The following PTPRD variants were observed in gnomAD, a reference collection of about 807,000 sequenced individuals.
PTPRD encodes protein tyrosine phosphatase receptor type D.
A neutral mutation model predicts 214.5 loss-of-function variants in PTPRD; 34 were observed. The observed-to-expected ratio is 0.16, with a 90% CI of 0.12 to 0.21. The LOEUF is 0.21. Among genes scored for constraint, PTPRD ranks in the 10% least tolerant of loss-of-function variants. The pLI is 1.00. For missense variants in PTPRD, 2,545 were observed against 2,398.7 expected (o/e 1.06, Z -1.27); for synonymous variants, 1,128 against 845.7 (o/e 1.33, Z -5.79).
chr9:8,340,169 A>G (rs886623558), intron 42 of PTPRD, among the ~76,000 whole-genome samples, 174 bp downstream of exon 42: 1 of 152,144 alleles, frequency 6.6e-6, no homozygotes, highest in Non-Finnish European at 1.5e-5. Flanking sequence ...AAATTTAAAC[A>G]CTTGATGTGG....
At chr9:9,084,414 G>C (rs2099763940) in intron 10 of PTPRD, among the ~76,000 whole-genome samples, 1 of 152,138 alleles carries the variant, frequency 6.6e-6, no homozygotes, top group South Asian at 2.1e-4. Context: ...GGGGTTGGGG[G>C]TCTAGGGAGG....
At chr9:10,153,772 A>C (rs750650348) in intron 3 of PTPRD, among the ~76,000 whole-genome samples, 1 of 152,094 alleles carries the variant, frequency 6.6e-6, no homozygotes, top group Non-Finnish European at 1.5e-5. Flanking sequence ...TATAAATTAG[A>C]ACATGTGGTA....
At chr9:9,460,600 G>A (rs932033250) in intron 8 of PTPRD, among the ~76,000 whole-genome samples, 4 of 151,838 alleles carry the variant, frequency 2.6e-5, no homozygotes, top group East Asian at 1.9e-4. Flanking sequence ...TCATCGAAGC[G>A]ATGCAAATTA....
intron 8 of PTPRD, among the ~76,000 whole-genome samples, chr9:9,447,680 T>G (rs1459142398): frequency 6.6e-6 from 1 of 152,130 alleles, no homozygotes; most frequent in East Asian, 1.9e-4. Flanking sequence ...GAAAAAAAAT[T>G]TAGTTCTCAA....
intron 5 of PTPRD, among the ~76,000 whole-genome samples, chr9:9,822,760 TG>T (rs1488640023): frequency 6.6e-6 from 1 of 151,996 alleles, no homozygotes; most frequent in East Asian, 1.9e-4. Context: ...CTCCAAAATA[TG>T]CAATTTTTTG....
intron 7 of PTPRD, among the ~76,000 whole-genome samples, chr9:9,645,121 C>T (rs962478756): frequency 1.3e-5 from 2 of 152,204 alleles, no homozygotes; most frequent in African/African-American, 4.8e-5. Context: ...AGCCCAAAAG[C>T]GCTCTCCCTG....
At chr9:9,011,958 T>C (rs1431489023) in intron 11 of PTPRD, among the ~76,000 whole-genome samples, 3 of 152,286 alleles carry the variant, frequency 2.0e-5, no homozygotes, top group Non-Finnish European at 2.9e-5. Flanking sequence ...GTAAAGATGA[T>C]AGGATTTTAC....
At chr9:8,465,731 T>C in intron 31 of PTPRD, 56 bp from the exon 32 acceptor site, 4 of 1,460,282 alleles carry the variant, frequency 2.7e-6, no homozygotes, top group Non-Finnish European at 3.7e-6. Flanking sequence ...CCCAGCTTAT[T>C]GATAATTTAA....
chr9:9,405,403 T>G (rs574470006), intron 8 of PTPRD, among the ~76,000 whole-genome samples: 10 of 152,084 alleles, frequency 6.6e-5, no homozygotes, highest in South Asian at 4.1e-4. Context: ...TCCATCTAAC[T>G]CCGGTAGAAG....
intron 11 of PTPRD, among the ~76,000 whole-genome samples, chr9:8,891,634 ATTC>A (rs2098540981): frequency 6.6e-6 from 1 of 152,144 alleles, no homozygotes; most frequent in Admixed American, 6.5e-5. Flanking sequence ...AATGGCCTGA[ATTC>A]TTCTCCCTGC....
intron 2 of PTPRD, among the ~76,000 whole-genome samples, chr9:10,447,777 T>C (rs2098809796): frequency 6.6e-6 from 1 of 151,962 alleles, no homozygotes; most frequent in Non-Finnish European, 1.5e-5. Context: ...GACTTCAGGT[T>C]CTCTATTATT....
intron 5 of PTPRD, among the ~76,000 whole-genome samples, chr9:9,821,835 A>C (rs866961922): frequency 2.0e-5 from 3 of 151,458 alleles, no homozygotes; most frequent in African/African-American, 7.3e-5. Context: ...TTTTCACTTA[A>C]AACTTCCAAA....
intron 11 of PTPRD, among the ~76,000 whole-genome samples, chr9:8,887,136 T>C (rs1005615738): frequency 3.3e-5 from 5 of 152,112 alleles, no homozygotes; most frequent in African/African-American, 1.2e-4. Context: ...CATCATCTAG[T>C]ACATATAAGG....
chr9:9,877,960 C>A (rs1340634861), intron 5 of PTPRD, among the ~76,000 whole-genome samples: 7 of 64,452 alleles, frequency 1.1e-4, no homozygotes, highest in South Asian at 5.5e-4. Context: ...GCAACAATAG[C>A]AAAACTCCAT....
At chr9:8,808,257 G>A (rs1056247453) in intron 11 of PTPRD, among the ~76,000 whole-genome samples, 1 of 152,134 alleles carries the variant, frequency 6.6e-6, no homozygotes, top group African/African-American at 2.4e-5. Flanking sequence ...TGGTGTGAGA[G>A]GTGAACAACA....
At chr9:9,365,748 C>T (rs1358222318) in intron 9 of PTPRD, among the ~76,000 whole-genome samples, 3 of 151,436 alleles carry the variant, frequency 2.0e-5, no homozygotes, top group Non-Finnish European at 4.4e-5. Flanking sequence ...TGTCGACCTA[C>T]AGCATAACCC....
intron 33 of PTPRD, among the ~76,000 whole-genome samples, chr9:8,454,811 AGTGTGTGTGTGTGT>A (rs3043784): frequency 8.7e-5 from 13 of 148,738 alleles, no homozygotes; most frequent in African/African-American, 1.5e-4. Context: ...CTGAATACAT[AGTGTGTGTGTGTGT>A]GTGTGTGTGT....
chr9:8,554,466 G>A (rs889272730), intron 14 of PTPRD, among the ~76,000 whole-genome samples: 1 of 152,054 alleles, frequency 6.6e-6, no homozygotes, highest in Non-Finnish European at 1.5e-5. Context: ...TTGGGTCAAG[G>A]AACTTAAACT....
chr9:10,266,585 T>C (rs1407671839), intron 3 of PTPRD, among the ~76,000 whole-genome samples: 3 of 152,204 alleles, frequency 2.0e-5, no homozygotes, highest in South Asian at 2.1e-4. Flanking sequence ...AAAATTGCAC[T>C]GATAACATCA....
Sources: allele counts gnomAD v4.1 joint callset (sites outside exome capture counted in the v4.1 genomes callset), GRCh38; gene constraint gnomAD v4.1.1; transcripts MANE v1.5; gene names NCBI Gene and HGNC (gene_info 2026-07-23, HGNC 2026-07-21).